Variants in GPRIN2 observed in about 807,000 individuals in gnomAD.
GPRIN2 encodes the protein G protein regulated inducer of neurite outgrowth 2.
Under a neutral mutation model 0.3 loss-of-function variants are expected in GPRIN2, and 1 was observed. The ratio of observed to expected loss-of-function variants is 3.90; its 90% confidence interval spans 1.39 to 18.51. GPRIN2 has a LOEUF of 18.51. GPRIN2 is among the 30% of genes most tolerant of loss of function. The pLI is 0.11. For synonymous variants in GPRIN2, 361 were observed against 258.6 expected, an observed-to-expected ratio of 1.40 and a Z score of -3.80; for missense variants, 880 against 604.2, an observed-to-expected ratio of 1.46 and a Z score of -4.79.
At chr10:46,554,308 C>A (rs1359667721) in intron 2 of GPRIN2, among the ~76,000 whole-genome samples, 2 of 152,310 alleles carry the variant, frequency 1.3e-5, no homozygotes, top group Non-Finnish European at 2.9e-5. Flanking sequence ...TACCTTCATC[C>A]CATCCTAGGA....
chr10:46,549,733 G>A lies in GPRIN2; in HGVS notation c.1004C>T (p.Ala335Val), dbSNP rs1832607647. 3 of 1,614,186 alleles carry A rather than the reference G, an allele frequency of 1.9e-6. No individual in the cohort carries two copies. Among genetic ancestry groups the A allele is most frequent in the Admixed American group, 1.7e-5 (1 of 60,028 alleles). The change falls in exon 3 of 3, where the codon GCT (alanine) becomes GTT (valine). Residue 335 changes from alanine (A) to valine (V), a missense_variant. Transcript: ENST00000374314. ...AEASPLSAQD[A>V]GVQAAPVAAC... ...CGCCACTGGGGCCGCCTGCACACCAGCATCCTGGGCTGACAGCGGGGATGC... is the reference window on the plus strand; with the variant it reads ...CGCCACTGGGGCCGCCTGCACACCAACATCCTGGGCTGACAGCGGGGATGC...
chr10:46,554,268 G>A (rs1196359721), intron 2 of GPRIN2, among the ~76,000 whole-genome samples: 7 of 152,310 alleles, frequency 4.6e-5, no homozygotes, highest in Admixed American at 2.6e-4. Flanking sequence ...ACACCCCAAA[G>A]GTTAGCCTCC....
chr10:46,557,435 C>G (rs1337621525), upstream of GPRIN2, among the ~76,000 whole-genome samples: 2 of 152,312 alleles, frequency 1.3e-5, no homozygotes, highest in Non-Finnish European at 2.9e-5. Context: ...GACTGGTAAT[C>G]TACCACCCCT....
rs1832584986 is a variant in GPRIN2, at chr10:46,549,803, C to T, written c.934G>A (p.Asp312Asn). The T allele has an allele frequency of 4.3e-6, 7 of 1,614,196 alleles. No individual in the cohort carries two copies. Among genetic ancestry groups the T allele is most frequent in the African/African-American group, 1.3e-5 (1 of 75,090 alleles). ...TTGGCTGAGGTCATGGTCCACACAT[C>T]TTTGGTCCTAGAGCCAGGCTCTGGG... ...LVPEPGSRTK[D>N]VWTMTSANDL... Residue 312 changes from aspartate (D) to asparagine (N), a missense_variant, in exon 3 of 3, where the codon GAT becomes AAT. Asp to Asn is a conservative substitution (Grantham distance 23). Coordinates refer to ENST00000374314, the MANE Select transcript of GPRIN2 (RefSeq NM_001385282.1).
chr10:46,552,143 C>T (rs1269936624), intron 2 of GPRIN2, among the ~76,000 whole-genome samples: 1 of 152,312 alleles, frequency 6.6e-6, no homozygotes, highest in African/African-American at 2.4e-5. Flanking sequence ...CCTGGAGGAC[C>T]AGCCACGTAA....
chr10:46,543,909 G>A lies in GPRIN2; in HGVS notation c.*5451C>T, dbSNP rs1257133819. On this transcript the variant is annotated 3_prime_UTR_variant, in exon 3 of 3. Coordinates refer to ENST00000374314, the MANE Select transcript of GPRIN2 (RefSeq NM_001385282.1). ...CCCAACTCTTGGGACAAGGCAGTCA[G>A]ACCCCACCACCCATCCCCAATCCTA... Among the ~76,000 whole-genome samples, 1 of 152,146 alleles carries A rather than the reference G, an allele frequency of 6.6e-6. No homozygotes were observed. The highest frequency in any genetic ancestry group is 1.5e-5 in the Non-Finnish European group (1 of 68,052).
At chr10:46,555,370 C>G (rs1282435561) in intron 1 of GPRIN2, 1 of 155,062 alleles carries the variant, frequency 6.4e-6, no homozygotes, top group Non-Finnish European at 1.4e-5. Flanking sequence ...AAATATGGAC[C>G]TTACCTCTCA....
Position 46,542,508 on chromosome 10 carries a change from C to T in GPRIN2, c.*6852G>A, listed in dbSNP as rs1199032428. On this transcript the variant is annotated 3_prime_UTR_variant, in exon 3 of 3. Coordinates refer to ENST00000374314, the MANE Select transcript of GPRIN2 (RefSeq NM_001385282.1). ...CTGCATTCATTTTCCTTCCTGCTGC[C>T]TTGTGAAGAAGGTGCCTTGCTTCTC... Among the ~76,000 whole-genome samples, 1 of 152,312 alleles carries T rather than the reference C, an allele frequency of 6.6e-6. No homozygotes were observed. The highest frequency in any genetic ancestry group is 1.5e-5 in the Non-Finnish European group (1 of 68,058).
chr10:46,545,536 G>GTAGCC lies in GPRIN2; in HGVS notation c.*3819_*3823dup, dbSNP rs1326655784. On this transcript the variant is annotated 3_prime_UTR_variant, in exon 3 of 3. Coordinates refer to ENST00000374314, the MANE Select transcript of GPRIN2 (RefSeq NM_001385282.1). The stretch of plus-strand genomic sequence containing the variant: ...CCCAAGATGAGTGGTGAGGGCTAGG[G>GTAGCC]TAGCCCTCCTCAATGCACTCTGGGA... Among the ~76,000 whole-genome samples the GTAGCC allele has an allele frequency of 1.3e-5, 2 of 152,308 alleles. No homozygotes were observed. The highest frequency in any genetic ancestry group is 2.9e-5 in the Non-Finnish European group (2 of 68,054).
chr10:46,553,577 C>T (rs1297828746), intron 2 of GPRIN2, among the ~76,000 whole-genome samples: 2 of 152,306 alleles, frequency 1.3e-5, no homozygotes, highest in Non-Finnish European at 2.9e-5. Flanking sequence ...CTCAGACCCC[C>T]ACCAAGACCC....
intron 2 of GPRIN2, among the ~76,000 whole-genome samples, chr10:46,551,207 C>T (rs1244690810): frequency 3.9e-5 from 6 of 152,300 alleles, no homozygotes; most frequent in Non-Finnish European, 8.8e-5. Flanking sequence ...CAGGCCAATA[C>T]TGGGCTACTT....
intron 2 of GPRIN2, 41 bp downstream of exon 2, chr10:46,554,544 T>C (rs1027574393): frequency 1.7e-4 from 26 of 152,738 alleles, no homozygotes; most frequent in Admixed American, 1.1e-3. Context: ...AGAACAGGCA[T>C]ACAGAAGTAT....
chr10:46,552,312 T>TCTGGGAC lies in GPRIN2; in HGVS notation c.-6-1577_-6-1571dup, dbSNP rs1307489830. 2.0e-5 allele frequency among the ~76,000 whole-genome samples: 3 copies of TCTGGGAC among 152,310 alleles called. No individual in the cohort carries two copies. The East Asian group carries it at 5.8e-4, about 29-fold the overall frequency. On this transcript the variant is annotated intron_variant, in intron 2 of 2. Transcript: ENST00000374314. ...CACAGCAGTGAATTAGGGAGATCACTCTGGGACTCCTTGCCAGGCAGGAGA... is the reference window on the plus strand; with the variant it reads ...CACAGCAGTGAATTAGGGAGATCACTCTGGGACCTGGGACTCCTTGCCAGGCAGGAGA...
chr10:46,550,784 G>C, intron 2 of GPRIN2, 42 bp from the exon 3 acceptor site: 1 of 1,483,596 alleles, frequency 6.7e-7, no homozygotes, highest in Non-Finnish European at 8.9e-7. Flanking sequence ...TGAGTTGGGT[G>C]GCAGCACCTA....
intron 2 of GPRIN2, among the ~76,000 whole-genome samples, chr10:46,552,163 G>A (rs1842686567): frequency 6.6e-6 from 1 of 152,310 alleles, no homozygotes. Context: ...AGTCAGGCCT[G>A]GAGTGAGAGA....
rs1439692928 is a variant in GPRIN2 at position 46,548,755 on chromosome 10, G to A, written c.*605C>T. ...ACAGGGCAACACCCACGGCTCAGCTGGCCCTGGCTTTGGATCTCAGTCCCA... is the reference window on the plus strand; with the variant it reads ...ACAGGGCAACACCCACGGCTCAGCTAGCCCTGGCTTTGGATCTCAGTCCCA... On this transcript the variant is annotated 3_prime_UTR_variant, in exon 3 of 3. Coordinates refer to ENST00000374314, the MANE Select transcript of GPRIN2 (RefSeq NM_001385282.1). Among the ~76,000 whole-genome samples, 15 of 152,298 alleles carry A rather than the reference G, an allele frequency of 9.8e-5. No individual in the cohort carries two copies. Among genetic ancestry groups the A allele is most frequent in the East Asian group, 3.8e-4 (2 of 5,208 alleles).
In GPRIN2 at chr10:46,549,123, C is replaced by G; in HGVS notation, c.*237G>C. On this transcript the variant is annotated 3_prime_UTR_variant, in exon 3 of 3. Coordinates refer to ENST00000374314, the MANE Select transcript of GPRIN2 (RefSeq NM_001385282.1). ...AGTGCTAAAGCCCTGTCTCAAAGTT[C>G]AGAGCCCGGAAGGTGCAGAGATGTG... The G allele has an allele frequency of 2.0e-6, 1 of 502,432 alleles. No homozygotes were observed. 31.1% of individuals were successfully genotyped at this position (502,432 alleles called of 1,614,324 possible). A position where few individuals can be genotyped will look rare whatever the true frequency, so the allele number is the denominator to read the frequency against.
intron 1 of GPRIN2, among the ~76,000 whole-genome samples, chr10:46,556,081 A>T (rs1363779430): frequency 6.6e-6 from 1 of 152,312 alleles, no homozygotes; most frequent in Admixed American, 6.5e-5. Context: ...CAGCGACTGC[A>T]GGCAAATGGG....
intron 2 of GPRIN2, 149 bp downstream of exon 2, chr10:46,554,436 A>C (rs1842949667): frequency 6.5e-6 from 1 of 152,674 alleles, no homozygotes; most frequent in Non-Finnish European, 1.5e-5. Flanking sequence ...TGCACTTTAA[A>C]TGCCCAGAAT....
Sources: gnomAD v4.1 joint callset for allele counts (sites outside exome capture counted in the v4.1 genomes callset) on GRCh38, gnomAD v4.1.1 for gene constraint, MANE v1.5 for transcripts, NCBI Gene and HGNC (gene_info 2026-07-23, HGNC 2026-07-21) for gene names.